The following ZNF560 variants were observed in gnomAD, a reference collection of about 807,000 sequenced individuals.
ZNF560 encodes the protein zinc finger protein 560.
Under a neutral mutation model 81.8 loss-of-function variants are expected in ZNF560, and 54 were observed. The ratio of observed to expected loss-of-function variants is 0.66; its 90% CI spans 0.53 to 0.83. The LOEUF is 0.83. ZNF560 is among the 40% of genes least tolerant of loss of function. ZNF560 has a pLI of 0.00. For missense variants in ZNF560, 940 were observed against 932.4 expected (o/e 1.01, Z -0.11); for synonymous variants, 321 against 317.9 (o/e 1.01, Z -0.10).
chr19:9,446,198 G>C, the ZNF560 span, among the ~76,000 whole-genome samples: 1 of 151,240 alleles, frequency 6.6e-6, no homozygotes. Flanking sequence ...TGCCTGCTTG[G>C]TGGTACTTTG....
Position 9,467,843 on chromosome 19 carries a change from T to G in ZNF560, c.1104A>C (p.Gln368His). Reference sequence around the variant, plus strand: ...TATAAGGTTTTATCCCAATGTGGGTTTGCATGTGATTATTAAGGTGGGTAG... The same window carrying G: ...TATAAGGTTTTATCCCAATGTGGGTGTGCATGTGATTATTAAGGTGGGTAG... ...RYPTHLNNHM[Q>H]THIGIKPYKC... is the part of the protein sequence containing the mutation. The change falls in exon 10 of 10, where the codon CAA (glutamine) becomes CAC (histidine). Residue 368 changes from glutamine to histidine, a missense_variant. Physicochemically the swap from Gln to His is conservative, Grantham distance 24. Coordinates refer to ENST00000301480, the MANE Select transcript of ZNF560 (RefSeq NM_152476.3). 1 of 1,614,216 alleles carries G rather than the reference T, an allele frequency of 6.2e-7. No individual in the cohort carries two copies. Among genetic ancestry groups the G allele is most frequent in the South Asian group, 1.1e-5 (1 of 91,080 alleles).
In ZNF560 at chr19:9,466,364, G is replaced by A; in HGVS notation, c.*210C>T. 2.1e-6 allele frequency: 1 copy of A among 485,966 alleles called. No individual in the cohort carries two copies. The highest frequency in any genetic ancestry group is 3.6e-6 in the Non-Finnish European group (1 of 280,932). 30.1% of individuals were successfully genotyped at this position (485,966 alleles called of 1,614,324 possible). The stretch of plus-strand genomic sequence containing the variant: ...CATCAAAAAAAAAAAAAGAGAGAGA[G>A]AAGAACTAGTGTTTTCCTACATCCC... On this transcript the variant is annotated 3_prime_UTR_variant, in exon 10 of 10. Transcript: ENST00000301480.
chr19:9,446,867 G>T, the ZNF560 span, among the ~76,000 whole-genome samples: 1 of 152,234 alleles, frequency 6.6e-6, no homozygotes, highest in South Asian at 2.1e-4. Flanking sequence ...CAGACAGCTG[G>T]ATGCCATGGC....
chr19:9,467,953 A>C lies in ZNF560; in HGVS notation c.994T>G (p.Ser332Ala). ...WKQCGEAFTHSTSHAVNVETH... is the reference protein window; with the variant it reads ...WKQCGEAFTHATSHAVNVETH... Reference sequence around the variant, plus strand: ...TCAACATTTACAGCATGGCTTGTGGAGTGAGTAAATGCTTCCCCACATTGC... The same window carrying C: ...TCAACATTTACAGCATGGCTTGTGGCGTGAGTAAATGCTTCCCCACATTGC... The change falls in exon 10 of 10, where the codon TCC becomes GCC. Residue 332 changes from serine to alanine, a missense_variant. By Grantham distance (99) the Ser-to-Ala change is moderately conservative. Transcript: ENST00000301480. The C allele has an allele frequency of 6.2e-7, 1 of 1,614,098 alleles. No homozygotes were observed. The highest frequency in any genetic ancestry group is 2.2e-5 in the East Asian group (1 of 44,872).
chr19:9,477,255 T>C (rs950206163), intron 2 of ZNF560, among the ~76,000 whole-genome samples: 1 of 152,146 alleles, frequency 6.6e-6, no homozygotes, highest in Non-Finnish European at 1.5e-5. Context: ...ACAATATCCC[T>C]ATTTAGTGCT....
chr19:9,446,183 C>T, the ZNF560 span, among the ~76,000 whole-genome samples: 1 of 151,950 alleles, frequency 6.6e-6, no homozygotes, highest in South Asian at 2.1e-4. Context: ...AACTAGTAAA[C>T]TTACTGCCTG....
At chr19:9,460,259 C>G in the ZNF560 span, among the ~76,000 whole-genome samples, 2 of 152,184 alleles carry the variant, frequency 1.3e-5, no homozygotes, top group Admixed American at 6.5e-5. Context: ...TCATCGAAAG[C>G]AGCCACCTAC....
rs547215815 is a variant in ZNF560, at chr19:9,488,608, G to A, written c.-57+9520C>T. 1.6e-3 allele frequency among the ~76,000 whole-genome samples: 247 copies of A among 151,100 alleles called. 1 individual carries two copies. The highest frequency in any genetic ancestry group is 6.8e-3 in the Middle Eastern group (2 of 294). The stretch of plus-strand genomic sequence containing the variant: ...ATACAACATAATGCAAGAGAAAAAA[G>A]CTCACACAACAAAAAAATTCCAACT... On this transcript the variant is annotated intron_variant, in intron 2 of 9. Transcript: ENST00000301480.
At chr19:9,459,228 A>G in the ZNF560 span, among the ~76,000 whole-genome samples, 2 of 152,244 alleles carry the variant, frequency 1.3e-5, no homozygotes, top group African/African-American at 4.8e-5. Flanking sequence ...GACTCCACAC[A>G]TGCAACTAAA....
At chr19:9,447,039 C>T in the ZNF560 span, among the ~76,000 whole-genome samples, 1 of 149,046 alleles carries the variant, frequency 6.7e-6, no homozygotes. Flanking sequence ...GAGGCTGAGG[C>T]AGGAGAATCG....
chr19:9,503,126 TG>T (rs2073644697), upstream of ZNF560, among the ~76,000 whole-genome samples: 1 of 151,944 alleles, frequency 6.6e-6, no homozygotes, highest in South Asian at 2.1e-4. Flanking sequence ...GAGGCCAAGG[TG>T]AGAAGATTGC....
In ZNF560 at chr19:9,481,816, A is replaced by G. The variant is rs201550713; in HGVS notation, c.-56-6447T>C. ...TGTGGAGAAATAGGAATGCTTCTACACTGTTGGTGGGAGTGTAAACTAGTT... is the reference window on the plus strand; with the variant it reads ...TGTGGAGAAATAGGAATGCTTCTACGCTGTTGGTGGGAGTGTAAACTAGTT... On this transcript the variant is annotated intron_variant, in intron 2 of 9. Transcript: ENST00000301480. 4.9e-4 allele frequency among the ~76,000 whole-genome samples: 74 copies of G among 152,352 alleles called. 1 individual carries two copies. The East Asian group carries it at 0.014, about 28-fold the overall frequency.
At chr19:9,477,375 C>A (rs1472888159) in intron 2 of ZNF560, among the ~76,000 whole-genome samples, 1 of 152,142 alleles carries the variant, frequency 6.6e-6, no homozygotes, top group Admixed American at 6.6e-5. Flanking sequence ...GTCTAATCCT[C>A]TGTGGTTGTT....
chr19:9,481,395 T>C (rs2073287140), intron 2 of ZNF560, among the ~76,000 whole-genome samples: 3 of 152,274 alleles, frequency 2.0e-5, no homozygotes, highest in South Asian at 4.1e-4. Context: ...CCAAAAGCAA[T>C]GGCAACAAAA....
intron 4 of ZNF560, 24 bp downstream of exon 4, chr19:9,474,175 T>A: frequency 6.2e-7 from 1 of 1,613,852 alleles, no homozygotes; most frequent in Non-Finnish European, 8.5e-7. Flanking sequence ...CCTAAGAGGC[T>A]GCATAAAATG....
chr19:9,471,173 A>G, intron 6 of ZNF560, 123 bp downstream of exon 6: 1 of 638,040 alleles, frequency 1.6e-6, no homozygotes, highest in South Asian at 2.8e-5. Flanking sequence ...ATCTCTCCAG[A>G]GACATTGCTC....
At chr19:9,458,965 C>A in the ZNF560 span, among the ~76,000 whole-genome samples, 1 of 152,224 alleles carries the variant, frequency 6.6e-6, no homozygotes, top group South Asian at 2.1e-4. Flanking sequence ...ACATGCCAAT[C>A]AGGAGAGTCT....
Position 9,466,993 on chromosome 19 carries a change from C to T in ZNF560, c.1954G>A (p.Gly652Arg), listed in dbSNP as rs1165569070. The T allele has an allele frequency of 6.2e-7, 1 of 1,614,036 alleles. No individual in the cohort carries two copies. The highest frequency in any genetic ancestry group is 1.7e-5 in the Admixed American group (1 of 60,008). The change falls in exon 10 of 10, where the codon GGA (glycine) becomes AGA (arginine). Residue 652 changes from glycine (G) to arginine (R), a missense_variant. Coordinates refer to ENST00000301480, the MANE Select transcript of ZNF560 (RefSeq NM_152476.3). ...GCATTACATTTATAGGGTTTATATCCAGTGTGAGTTCTTAAATGATCAACT... is the reference window on the plus strand; with the variant it reads ...GCATTACATTTATAGGGTTTATATCTAGTGTGAGTTCTTAAATGATCAACT... ...SLVDHLRTHT[G>R]YKPYKCNACE...
the ZNF560 span, among the ~76,000 whole-genome samples, chr19:9,450,062 G>A: frequency 2.6e-4 from 40 of 151,670 alleles, no homozygotes; most frequent in African/African-American, 9.4e-4. Context: ...GGACACTGAG[G>A]CAGCTGGATC....
Sources: allele counts gnomAD v4.1 joint callset (sites outside exome capture counted in the v4.1 genomes callset), GRCh38; gene constraint gnomAD v4.1.1; transcripts MANE v1.5; gene names NCBI Gene and HGNC (gene_info 2026-07-23, HGNC 2026-07-21).